Variants in EPM2A observed in about 807,000 individuals in gnomAD.
EPM2A encodes EPM2A glucan phosphatase, laforin, also known as laforin.
Under a neutral mutation model 26.5 loss-of-function variants are expected in EPM2A, and 21 were observed. That is an observed-to-expected ratio of 0.79 (90% CI 0.56 to 1.14). The LOEUF (loss-of-function observed/expected upper bound fraction) is 1.14, where lower values mean the gene tolerates loss of function less well. Among genes scored for constraint, EPM2A ranks in the 50% most tolerant of loss-of-function variants. The pLI, the probability that EPM2A is intolerant of heterozygous loss-of-function variation, is 0.00. For missense variants in EPM2A, 458 were observed against 440.8 expected, an observed-to-expected ratio of 1.04 and a Z score of -0.35; for synonymous variants, 217 against 177.6, an observed-to-expected ratio of 1.22 and a Z score of -1.76.
At chr6:145,533,658 G>A (rs1780392010) in intron 2 of EPM2A, among the ~76,000 whole-genome samples, 1 of 152,012 alleles carries the variant, frequency 6.6e-6, no homozygotes, top group Non-Finnish European at 1.5e-5. Flanking sequence ...TCAACCTCTT[G>A]CATGACTGGG....
At chr6:145,729,913 G>A (rs1776398591) in intron 1 of EPM2A, among the ~76,000 whole-genome samples, 1 of 152,188 alleles carries the variant, frequency 6.6e-6, no homozygotes, top group Non-Finnish European at 1.5e-5. Context: ...AGGGCCTGGT[G>A]GAAGGTGATT....
intron 2 of EPM2A, among the ~76,000 whole-genome samples, chr6:145,684,447 C>T (rs115257913): frequency 8.9e-4 from 135 of 152,232 alleles, no homozygotes; most frequent in African/African-American, 3.1e-3. Context: ...AATGTCAGAC[C>T]ATCTCAAGAA....
chr6:145,471,533 G>T lies in EPM2A; in HGVS notation c.555+30989C>A, dbSNP rs139314043. Reference sequence around the variant, plus strand: ...ACGAGATAAAAAAGACAGTAAGACAGTTCTGAATTGCCAACACCACTCCTT... The same window carrying T: ...ACGAGATAAAAAAGACAGTAAGACATTTCTGAATTGCCAACACCACTCCTT... On this transcript the variant is annotated intron_variant, in intron 4 of 4. Transcript: ENST00000638717. 5.4e-3 allele frequency among the ~76,000 whole-genome samples: 823 copies of T among 152,216 alleles called. 3 individuals are homozygous for T. The highest frequency in any genetic ancestry group is 8.3e-3 in the Non-Finnish European group (562 of 68,012).
intron 2 of EPM2A, among the ~76,000 whole-genome samples, chr6:145,667,335 C>T (rs1221361235): frequency 3.6e-4 from 52 of 144,480 alleles, no homozygotes; most frequent in African/African-American, 1.4e-3. Flanking sequence ...ACAAACAACC[C>T]CATCAAAAAG....
intron 4 of EPM2A, among the ~76,000 whole-genome samples, chr6:145,452,884 G>A (rs539972060): frequency 1.3e-5 from 2 of 152,186 alleles, no homozygotes; most frequent in Non-Finnish European, 2.9e-5. Flanking sequence ...GGAATCTCCT[G>A]GTGCTTTGCA....
At chr6:145,633,294 C>G (rs944413536) in intron 3 of EPM2A, among the ~76,000 whole-genome samples, 1 of 152,198 alleles carries the variant, frequency 6.6e-6, no homozygotes, top group Non-Finnish European at 1.5e-5. Flanking sequence ...AAAATGCTCT[C>G]TGGAAGCTAC....
chr6:145,650,448 A>G (rs1187124086), intron 2 of EPM2A, among the ~76,000 whole-genome samples: 3 of 151,788 alleles, frequency 2.0e-5, no homozygotes, highest in Non-Finnish European at 2.9e-5. Context: ...GCTACTCGAG[A>G]GGCTGAGGCA....
At chr6:145,662,255 A>G (rs947838160) in intron 2 of EPM2A, among the ~76,000 whole-genome samples, 9 of 152,198 alleles carry the variant, frequency 5.9e-5, no homozygotes, top group Non-Finnish European at 1.2e-4. Flanking sequence ...AATATACTAC[A>G]CTTGGCACCA....
At chr6:145,384,496 T>C (rs1031170924) in intron 4 of EPM2A, among the ~76,000 whole-genome samples, 3 of 147,746 alleles carry the variant, frequency 2.0e-5, no homozygotes, top group Non-Finnish European at 4.5e-5. Context: ...AACTTCACAG[T>C]AGGCTCTAAA....
chr6:145,634,908 T>C (rs1333892430), intron 3 of EPM2A, among the ~76,000 whole-genome samples: 1 of 152,206 alleles, frequency 6.6e-6, no homozygotes, highest in Admixed American at 6.5e-5. Flanking sequence ...TTTTTAGTCA[T>C]TTGATTAACA....
chr6:145,534,596 C>T (rs1027786467), intron 2 of EPM2A, among the ~76,000 whole-genome samples: 2 of 152,220 alleles, frequency 1.3e-5, no homozygotes, highest in Admixed American at 6.5e-5. Context: ...AATGCAAGCA[C>T]GGGGGCCAGG....
At chr6:145,652,599 C>A (rs1269957332) in intron 2 of EPM2A, among the ~76,000 whole-genome samples, 1 of 151,900 alleles carries the variant, frequency 6.6e-6, no homozygotes, top group Non-Finnish European at 1.5e-5. Flanking sequence ...AGAACTTTTG[C>A]CAGCCCCTAG....
chr6:145,503,337 G>T (rs1441165626), intron 2 of EPM2A, among the ~76,000 whole-genome samples: 2 of 147,272 alleles, frequency 1.4e-5, no homozygotes. Context: ...TGTTTATCTA[G>T]AAAACCCCAT....
At chr6:145,695,619 G>A (rs1781528624) in intron 1 of EPM2A, among the ~76,000 whole-genome samples, 1 of 151,966 alleles carries the variant, frequency 6.6e-6, no homozygotes, top group African/African-American at 2.4e-5. Flanking sequence ...CCATGCAAAT[G>A]GAAGCCAAAA....
chr6:145,654,149 ATAT>A (rs1219653954), intron 2 of EPM2A, among the ~76,000 whole-genome samples: 1 of 151,932 alleles, frequency 6.6e-6, no homozygotes, highest in African/African-American at 2.4e-5. Context: ...CAAGTGATAT[ATAT>A]TATTAAGTGT....
intron 4 of EPM2A, among the ~76,000 whole-genome samples, chr6:145,394,835 T>C (rs1778383964): frequency 6.6e-6 from 1 of 152,168 alleles, no homozygotes; most frequent in African/African-American, 2.4e-5. Context: ...AGTCATTCTC[T>C]GGGAATATAC....
At chr6:145,655,772 G>A (rs185331239) in intron 2 of EPM2A, among the ~76,000 whole-genome samples, 32 of 151,604 alleles carry the variant, frequency 2.1e-4, no homozygotes, top group Middle Eastern at 3.4e-3. Flanking sequence ...TATACTAGGC[G>A]GAAAAAAAAG....
intron 1 of EPM2A, among the ~76,000 whole-genome samples, chr6:145,707,588 T>A (rs1385131876): frequency 6.6e-6 from 1 of 152,154 alleles, no homozygotes; most frequent in Non-Finnish European, 1.5e-5. Flanking sequence ...ATCTGATGGT[T>A]TTATAAAAGG....
chr6:145,490,734 C>T lies in EPM2A; in HGVS notation c.555+11788G>A. 3 of 562,626 alleles carry T rather than the reference C, an allele frequency of 5.3e-6. No individual in the cohort carries two copies. In the Admixed American group the frequency reaches 6.4e-5, roughly 12 times the overall value. 34.9% of individuals were successfully genotyped at this position (562,626 alleles called of 1,614,324 possible). On this transcript the variant is annotated intron_variant, in intron 4 of 4. Transcript: ENST00000638717. ...AACCATTACATTTCTCACAATGGAA[C>T]AAGTCCTTCACATGTGAAGGTTGTC...
Sources: allele counts gnomAD v4.1 joint callset (sites outside exome capture counted in the v4.1 genomes callset), GRCh38; gene constraint gnomAD v4.1.1; transcripts MANE v1.5; gene names NCBI Gene and HGNC (gene_info 2026-07-23, HGNC 2026-07-21).